The following MACROD2 variants were observed in gnomAD, a reference collection of about 807,000 sequenced individuals.
MACROD2 encodes ADP-ribose glycohydrolase MACROD2.
A neutral mutation model predicts 70.4 loss-of-function variants in MACROD2; 36 were observed. That is an observed-to-expected ratio of 0.51 (90% CI 0.39 to 0.68). MACROD2 has a LOEUF of 0.68. Ranked by LOEUF, MACROD2 falls within the 30% of genes least tolerant of loss-of-function variation. The pLI is 0.00. For synonymous variants in MACROD2, 172 were observed against 178.8 expected (o/e 0.96, Z 0.30); for missense variants, 496 against 538.4 (o/e 0.92, Z 0.78).
At chr20:15,698,408 C>A (rs1473591607) in intron 8 of MACROD2, among the ~76,000 whole-genome samples, 1 of 152,190 alleles carries the variant, frequency 6.6e-6, no homozygotes, top group Non-Finnish European at 1.5e-5. Context: ...TGGCCCCAAT[C>A]CCTTCTAGCT....
rs2083212793 is a variant in MACROD2, at chr20:14,360,662, A to C, written c.272-132817A>C. On this transcript the variant is annotated intron_variant, in intron 3 of 17. Coordinates refer to ENST00000684519, the MANE Select transcript of MACROD2 (RefSeq NM_001351661.2). ...GAGCAAATGAATTATCATGGTTATC[A>C]AATCCTGTTGCAAGCTATAAAGACC... Among the ~76,000 whole-genome samples the C allele has an allele frequency of 4.6e-5, 7 of 152,322 alleles. No homozygotes were observed. In the South Asian group the frequency reaches 1.5e-3, roughly 32 times the overall value.
chr20:14,721,937 C>T (rs1317903615), intron 5 of MACROD2, among the ~76,000 whole-genome samples: 1 of 152,280 alleles, frequency 6.6e-6, no homozygotes, highest in East Asian at 1.9e-4. Context: ...TAGACTTAGG[C>T]CCATGACAGA....
At chr20:14,852,157 A>T (rs1173106965) in intron 5 of MACROD2, among the ~76,000 whole-genome samples, 6 of 152,112 alleles carry the variant, frequency 3.9e-5, no homozygotes, top group Non-Finnish European at 8.8e-5. Context: ...GAGGAAGCGC[A>T]GGAGCCAGCT....
intron 8 of MACROD2, among the ~76,000 whole-genome samples, chr20:15,676,347 C>A (rs1366337817): frequency 6.6e-6 from 1 of 152,188 alleles, no homozygotes; most frequent in East Asian, 1.9e-4. Context: ...CAGGCAATGC[C>A]CATGCAAATA....
chr20:15,378,501 T>G (rs919417378), intron 6 of MACROD2, among the ~76,000 whole-genome samples: 3 of 152,166 alleles, frequency 2.0e-5, no homozygotes, highest in African/African-American at 7.2e-5. Flanking sequence ...ATTATAATAA[T>G]GTATCTTGCA....
chr20:14,682,351 C>T (rs1164626612), intron 4 of MACROD2, among the ~76,000 whole-genome samples: 1 of 151,906 alleles, frequency 6.6e-6, no homozygotes, highest in Non-Finnish European at 1.5e-5. Flanking sequence ...ATCTCACCCT[C>T]TGTTTCCCAT....
chr20:15,460,997 TATA>T (rs1461746544), intron 7 of MACROD2, among the ~76,000 whole-genome samples: 33 of 85,116 alleles, frequency 3.9e-4, no homozygotes, highest in African/African-American at 1.4e-3. Flanking sequence ...TATATATATA[TATA>T]TATATATTTT....
chr20:15,291,026 G>GA (rs538188545), intron 6 of MACROD2, among the ~76,000 whole-genome samples: 135 of 152,188 alleles, frequency 8.9e-4, no homozygotes, highest in Non-Finnish European at 1.5e-3. Context: ...GGCGGTAGGA[G>GA]AAAGAAGCAA....
chr20:15,042,408 A>T (rs191978575), intron 5 of MACROD2, among the ~76,000 whole-genome samples: 2 of 152,352 alleles, frequency 1.3e-5, no homozygotes, highest in South Asian at 4.1e-4. Flanking sequence ...CATTTCCAGT[A>T]TGCCCTCACC....
intron 5 of MACROD2, among the ~76,000 whole-genome samples, chr20:15,180,642 T>G (rs2076493790): frequency 6.6e-6 from 1 of 152,194 alleles, no homozygotes; most frequent in African/African-American, 2.4e-5. Flanking sequence ...GCTTTTCTCT[T>G]CTCTAGAAGC....
At chr20:14,744,665 G>A (rs1461965194) in intron 5 of MACROD2, among the ~76,000 whole-genome samples, 1 of 152,098 alleles carries the variant, frequency 6.6e-6, no homozygotes, top group Admixed American at 6.5e-5. Flanking sequence ...ATAGAACAGT[G>A]TCAAAAATGG....
intron 5 of MACROD2, among the ~76,000 whole-genome samples, chr20:14,974,489 G>C (rs1281001963): frequency 6.6e-6 from 1 of 152,070 alleles, no homozygotes; most frequent in Non-Finnish European, 1.5e-5. Flanking sequence ...TTTAGGATGG[G>C]GGCACCACAA....
chr20:15,848,369 G>A lies in MACROD2; in HGVS notation c.646-14376G>A, dbSNP rs1029679933. ...AGTCACTGTACAAGCCAGGGGGAGG[G>A]GGGGGTCATCTTCCTCAAGGATTAG... On this transcript the variant is annotated intron_variant, in intron 8 of 17. Transcript: ENST00000684519. Among the ~76,000 whole-genome samples the A allele has an allele frequency of 3.9e-5, 6 of 152,036 alleles. No individual in the cohort carries two copies. In the South Asian group the frequency reaches 6.3e-4, roughly 16 times the overall value.
intron 2 of MACROD2, among the ~76,000 whole-genome samples, chr20:14,045,074 C>T (rs12481246): frequency 2.6e-4 from 39 of 152,264 alleles, no homozygotes; most frequent in African/African-American, 6.3e-4. Flanking sequence ...CTTGCCGCTC[C>T]GAGTGCGGGG....
intron 4 of MACROD2, among the ~76,000 whole-genome samples, chr20:14,652,854 T>C (rs1384853577): frequency 1.3e-5 from 2 of 152,190 alleles, no homozygotes; most frequent in Non-Finnish European, 2.9e-5. Flanking sequence ...AGGATTTAGG[T>C]AATGTCTTTG....
At chr20:14,105,436 A>G (rs1216534603) in intron 3 of MACROD2, among the ~76,000 whole-genome samples, 1 of 152,206 alleles carries the variant, frequency 6.6e-6, no homozygotes, top group African/African-American at 2.4e-5. Flanking sequence ...GTACCTGTGC[A>G]TGGAAGGAGC....
At chr20:14,104,653 G>T (rs1569160632) in intron 3 of MACROD2, among the ~76,000 whole-genome samples, 1 of 152,168 alleles carries the variant, frequency 6.6e-6, no homozygotes, top group Non-Finnish European at 1.5e-5. Flanking sequence ...CTCCCCCAGG[G>T]CTAAGATGAG....
chr20:15,050,934 TTTA>T (rs1307095537), intron 5 of MACROD2, among the ~76,000 whole-genome samples: 1 of 152,202 alleles, frequency 6.6e-6, no homozygotes, highest in African/African-American at 2.4e-5. Flanking sequence ...ATGGAAGGAT[TTTA>T]TTATAAAATG....
chr20:14,530,115 G>A (rs1411316680), intron 4 of MACROD2, among the ~76,000 whole-genome samples: 3 of 152,204 alleles, frequency 2.0e-5, no homozygotes, highest in Non-Finnish European at 4.4e-5. Context: ...CTCAGAAGGA[G>A]GAAGGGAGCT....
Sources: allele counts gnomAD v4.1 joint callset (sites outside exome capture counted in the v4.1 genomes callset), GRCh38; gene constraint gnomAD v4.1.1; transcripts MANE v1.5; gene names NCBI Gene and HGNC (gene_info 2026-07-23, HGNC 2026-07-21).